The following SEPTIN14 variants were observed in gnomAD, a reference collection of about 807,000 sequenced individuals.
SEPTIN14 encodes septin-14.
Under a neutral mutation model 53.6 loss-of-function variants are expected in SEPTIN14, and 40 were observed. The observed-to-expected ratio is 0.75, with a 90% CI of 0.58 to 0.97. SEPTIN14 has a LOEUF of 0.97. SEPTIN14 is among the 50% of genes least tolerant of loss of function. The pLI, the probability that SEPTIN14 is intolerant of heterozygous loss-of-function variation, is 0.00. For missense variants in SEPTIN14, 471 were observed against 508.2 expected (o/e 0.93, Z 0.70); for synonymous variants, 138 against 166.8 (o/e 0.83, Z 1.33).
intron 6 of SEPTIN14, among the ~76,000 whole-genome samples, chr7:55,823,485 A>G (rs1385821333): frequency 2.0e-5 from 3 of 152,156 alleles, no homozygotes; most frequent in African/African-American, 7.2e-5. Context: ...ACAAGAGCTC[A>G]TGAACTGCTG....
chr7:55,860,565 A>G (rs1789726500), intron 2 of SEPTIN14, among the ~76,000 whole-genome samples: 1 of 152,214 alleles, frequency 6.6e-6, no homozygotes, highest in Non-Finnish European at 1.5e-5. Context: ...GAAATAATAA[A>G]TATTCCAGGT....
chr7:55,824,687 G>A (rs988976585), intron 6 of SEPTIN14, among the ~76,000 whole-genome samples: 3 of 152,054 alleles, frequency 2.0e-5, no homozygotes, highest in African/African-American at 7.2e-5. Context: ...TACTTGGGAG[G>A]CTGAGGCAGG....
chr7:55,833,287 C>T lies in SEPTIN14; in HGVS notation c.720+1138G>A, dbSNP rs543490005. On this transcript the variant is annotated intron_variant, in intron 6 of 9. Transcript: ENST00000388975. ...CTGAGATTGCGCCACTGCACTCCAG[C>T]CTGGGCAACAGAGAGAGACTCCGTC... Among the ~76,000 whole-genome samples, 211 of 151,902 alleles carry T rather than the reference C, an allele frequency of 1.4e-3. 1 individual carries two copies. Among genetic ancestry groups the T allele is most frequent in the African/African-American group, 4.7e-3 (196 of 41,414 alleles).
rs557391360 is a variant in SEPTIN14, at chr7:55,830,438, T to C, written c.720+3987A>G. Among the ~76,000 whole-genome samples the C allele has an allele frequency of 2.7e-3, 392 of 145,256 alleles. 5 individuals carry two copies. The highest frequency in any genetic ancestry group is 0.012 in the Middle Eastern group (3 of 260). On this transcript the variant is annotated intron_variant, in intron 6 of 9. Coordinates refer to ENST00000388975, the MANE Select transcript of SEPTIN14 (RefSeq NM_207366.3). ...CTCCGCTCACTGCAAGCTCCGCCTC[T>C]CGGGTTCACGCCATTCTGCCTCAGC...
chr7:55,825,868 C>T (rs182820876), intron 6 of SEPTIN14, among the ~76,000 whole-genome samples: 2,177 of 151,924 alleles, frequency 0.014, 20 homozygotes, highest in Non-Finnish European at 0.022. Flanking sequence ...TTTGGGAGGC[C>T]GAGGCGGGTG....
At position 55,795,484 on chromosome 7, in the gene SEPTIN14, T is replaced by TTTA; in HGVS notation, c.*428_*429insTAA. The stretch of plus-strand genomic sequence containing the variant: ...ATACTTTTTTTTTTTTTTTTTTTTT[T>TTTA]GAGGCGGAGTTTTGCTCTTGTCACC... On this transcript the variant is annotated 3_prime_UTR_variant, in exon 10 of 10. Transcript: ENST00000388975. 1 of 131,458 alleles carries TTTA rather than the reference T, an allele frequency of 7.6e-6. No homozygotes were observed. The allele number at this position is 131,458 out of a possible 1,614,324, so 8.1% of individuals were successfully genotyped here. A position where few individuals can be genotyped will look rare whatever the true frequency, so the allele number is the denominator to read the frequency against.
chr7:55,834,137 T>C (rs1194389696), intron 6 of SEPTIN14, among the ~76,000 whole-genome samples: 1 of 152,060 alleles, frequency 6.6e-6, no homozygotes, highest in Admixed American at 6.6e-5. Context: ...ATATAAAACA[T>C]CCTCAAATTC....
At position 55,860,973 on chromosome 7, in the gene SEPTIN14, C is replaced by A. The variant is rs116657888; in HGVS notation, c.54+970G>T. ...ATTTTGTTATAGCTGCCCAAACAGACTAAGACACTTGCTAAAGATTTGTTG... is the reference window on the plus strand; with the variant it reads ...ATTTTGTTATAGCTGCCCAAACAGAATAAGACACTTGCTAAAGATTTGTTG... On this transcript the variant is annotated intron_variant, in intron 2 of 9. Transcript: ENST00000388975. Among the ~76,000 whole-genome samples, 663 of 152,272 alleles carry A rather than the reference C, an allele frequency of 4.4e-3. 8 individuals carry two copies. Among genetic ancestry groups the A allele is most frequent in the African/African-American group, 0.015 (640 of 41,544 alleles).
chr7:55,859,250 T>G (rs1281550937), intron 2 of SEPTIN14, among the ~76,000 whole-genome samples: 1 of 152,194 alleles, frequency 6.6e-6, no homozygotes, highest in Non-Finnish European at 1.5e-5. Context: ...CTTTTAGGTC[T>G]TTTATCTATT....
chr7:55,820,597 T>C (rs938299027), intron 6 of SEPTIN14, among the ~76,000 whole-genome samples: 4 of 152,168 alleles, frequency 2.6e-5, no homozygotes, highest in Admixed American at 6.6e-5. Context: ...CTTTTGGCTT[T>C]TAAGTAGAGA....
Position 55,844,645 on chromosome 7 carries a change from T to C in SEPTIN14, c.249A>G (p.Ser83=), listed in dbSNP as rs766279700. 2 of 1,610,574 alleles carry C rather than the reference T, an allele frequency of 1.2e-6. No individual in the cohort carries two copies. The highest frequency in any genetic ancestry group is 1.1e-5 in the South Asian group (1 of 90,792). Residue 83 remains serine, a synonymous_variant, in exon 4 of 10, where the codon TCA becomes TCG. Coordinates refer to ENST00000388975, the MANE Select transcript of SEPTIN14 (RefSeq NM_207366.3). ...GAAGTCCAACATTTGAGTAAAAATG[T>C]GAGGATTTGTTATCTTTCAAGTTAG... The part of the protein sequence containing the change: ...FNTNLKDNKS[S]HFYSNVGLQI...
chr7:55,822,440 T>C (rs752603448), intron 6 of SEPTIN14, among the ~76,000 whole-genome samples: 1 of 152,096 alleles, frequency 6.6e-6, no homozygotes, highest in Non-Finnish European at 1.5e-5. Flanking sequence ...AGAACTAGAA[T>C]AGCCAATGCA....
intron 9 of SEPTIN14, among the ~76,000 whole-genome samples, chr7:55,801,904 C>T (rs1033136093): frequency 1.3e-5 from 2 of 151,928 alleles, no homozygotes; most frequent in Non-Finnish European, 2.9e-5. Flanking sequence ...CTGGGTGACA[C>T]AGCGAGATCT....
intron 5 of SEPTIN14, among the ~76,000 whole-genome samples, chr7:55,837,534 G>A (rs752483641): frequency 1.5e-4 from 23 of 152,040 alleles, no homozygotes; most frequent in Admixed American, 4.6e-4. Context: ...CAAGTAACAG[G>A]GTCAGGTTTG....
chr7:55,815,468 G>A (rs113507309), intron 7 of SEPTIN14, among the ~76,000 whole-genome samples: 2,005 of 152,150 alleles, frequency 0.013, 29 homozygotes, highest in African/African-American at 0.038. Flanking sequence ...CAAAAGATCC[G>A]AATAGACATT....
At position 55,846,517 on chromosome 7, in the gene SEPTIN14, C is replaced by T; in HGVS notation, c.175G>A (p.Gly59Arg). 1.9e-6 allele frequency: 3 copies of T among 1,577,510 alleles called. No homozygotes were observed. Among genetic ancestry groups the T allele is most frequent in the Middle Eastern group, 1.7e-4 (1 of 5,940 alleles). ...QGFTFNILCV[G>R]ETGIGKSTLI... ...TTCAAATGAGGTGTTTGACACTTAC[C>T]CACACAGAGAATATTAAAAGTGAAT... The change falls in exon 3 of 10, where the codon GGG becomes AGG. Residue 59 changes from glycine (G) to arginine (R), a missense_variant and splice_region_variant. By Grantham distance (125) the Gly-to-Arg change is moderately radical. Transcript: ENST00000388975.
chr7:55,823,423 G>A (rs1788930818), intron 6 of SEPTIN14, among the ~76,000 whole-genome samples: 2 of 152,022 alleles, frequency 1.3e-5, no homozygotes, highest in Admixed American at 1.3e-4. Context: ...AAATTCTTCT[G>A]TCTTCCTCAT....
chr7:55,819,298 T>C (rs1017288365), intron 6 of SEPTIN14, 75 bp from the exon 7 acceptor site: 33 of 1,131,248 alleles, frequency 2.9e-5, no homozygotes, highest in Admixed American at 8.2e-5. Context: ...ATTCCTGTTA[T>C]AAAAATGACA....
intron 5 of SEPTIN14, among the ~76,000 whole-genome samples, chr7:55,836,286 T>C (rs966257399): frequency 6.6e-6 from 1 of 152,284 alleles, no homozygotes; most frequent in Non-Finnish European, 1.5e-5. Flanking sequence ...TTTTAGGAAA[T>C]AACAATATAC....
Sources: allele counts gnomAD v4.1 joint callset (sites outside exome capture counted in the v4.1 genomes callset), GRCh38; gene constraint gnomAD v4.1.1; transcripts MANE v1.5; gene names NCBI Gene and HGNC (gene_info 2026-07-23, HGNC 2026-07-21).